EXOC4: variants seen among roughly 807,000 people sequenced by gnomAD.
The protein encoded by EXOC4 is SEC8-like 1.
A neutral mutation model predicts 107.2 loss-of-function variants in EXOC4; 71 were observed. The ratio of observed to expected loss-of-function variants is 0.66; its 90% CI spans 0.55 to 0.81. The LOEUF (loss-of-function observed/expected upper bound fraction) is 0.81, where lower values mean the gene tolerates loss of function less well. Among genes scored for constraint, EXOC4 ranks in the 30% least tolerant of loss-of-function variants. EXOC4 has a pLI of 0.00. For synonymous variants in EXOC4, 456 were observed against 441.2 expected (o/e 1.03, Z -0.42); for missense variants, 1,108 against 1,189.6 (o/e 0.93, Z 1.01).
chr7:133,306,613 T>C (rs1416065192), intron 4 of EXOC4, among the ~76,000 whole-genome samples: 2 of 152,098 alleles, frequency 1.3e-5, no homozygotes, highest in Non-Finnish European at 2.9e-5. Context: ...GATGACAGGA[T>C]GGCTTGAGCC....
chr7:133,613,811 G>A (rs1252004011), intron 9 of EXOC4, among the ~76,000 whole-genome samples: 16 of 152,072 alleles, frequency 1.1e-4, no homozygotes, highest in Non-Finnish European at 8.8e-5. Flanking sequence ...GTATTGAAAA[G>A]GCAGCTTTTA....
intron 17 of EXOC4, among the ~76,000 whole-genome samples, chr7:134,019,079 G>A (rs774088997): frequency 3.9e-5 from 6 of 152,006 alleles, no homozygotes; most frequent in Admixed American, 1.3e-4. Flanking sequence ...AAAGGCACGC[G>A]CCACTACACC....
At chr7:133,478,960 C>G (rs1799087681) in intron 8 of EXOC4, 1 of 152,122 alleles carries the variant, frequency 6.6e-6, no homozygotes, top group Non-Finnish European at 1.5e-5. Context: ...CCAAGTGTTT[C>G]CCTCACAGAC....
At chr7:133,787,955 T>TTTTATTTATATA (rs774395151) in intron 10 of EXOC4, among the ~76,000 whole-genome samples, 1 of 31,640 alleles carries the variant, frequency 3.2e-5, no homozygotes, top group East Asian at 2.0e-3. Flanking sequence ...GTGCATATAT[T>TTTTATTTATATA]TATATATTTA....
intron 10 of EXOC4, among the ~76,000 whole-genome samples, chr7:133,671,490 G>C (rs773855511): frequency 3.3e-5 from 5 of 152,106 alleles, no homozygotes; most frequent in Middle Eastern, 6.9e-3. Flanking sequence ...TCACTTGAAC[G>C]GGGGAGTCAG....
intron 10 of EXOC4, among the ~76,000 whole-genome samples, chr7:133,647,669 T>C (rs983539153): frequency 5.3e-5 from 8 of 152,108 alleles, no homozygotes; most frequent in African/African-American, 1.7e-4. Context: ...GACTCTTCCA[T>C]AGTGGCTCTC....
At chr7:134,051,200 G>T (rs542744021) in intron 17 of EXOC4, among the ~76,000 whole-genome samples, 1 of 152,190 alleles carries the variant, frequency 6.6e-6, no homozygotes, top group Non-Finnish European at 1.5e-5. Context: ...TGAGAAACCA[G>T]ATCTTGAGAA....
downstream of EXOC4, among the ~76,000 whole-genome samples, chr7:134,069,449 C>T (rs1475122945): frequency 6.6e-6 from 1 of 150,912 alleles, no homozygotes; most frequent in Non-Finnish European, 1.5e-5. Flanking sequence ...TCTCCTGCTC[C>T]TCCTCCTTCT....
At chr7:133,349,299 T>A (rs1021377615) in intron 5 of EXOC4, among the ~76,000 whole-genome samples, 1 of 152,164 alleles carries the variant, frequency 6.6e-6, no homozygotes. Flanking sequence ...TCTGTACTCA[T>A]TAAAGACCAA....
At chr7:133,323,743 T>C (rs1438619266) in intron 5 of EXOC4, among the ~76,000 whole-genome samples, 1 of 152,226 alleles carries the variant, frequency 6.6e-6, no homozygotes, top group Admixed American at 6.5e-5. Flanking sequence ...TTAGGGAGGA[T>C]TCCCTCTTTT....
intron 14 of EXOC4, among the ~76,000 whole-genome samples, chr7:133,978,931 A>T (rs1439470463): frequency 6.6e-6 from 1 of 152,222 alleles, no homozygotes; most frequent in Non-Finnish European, 1.5e-5. Context: ...GCTAGAGGTG[A>T]CACTGAGTTG....
intron 7 of EXOC4, among the ~76,000 whole-genome samples, chr7:133,457,417 G>A (rs922414315): frequency 3.9e-5 from 6 of 152,126 alleles, no homozygotes; most frequent in African/African-American, 7.2e-5. Flanking sequence ...CTGATCAATA[G>A]CCTTACTATA....
intron 10 of EXOC4, among the ~76,000 whole-genome samples, chr7:133,655,504 A>C (rs952501719): frequency 3.3e-5 from 5 of 152,196 alleles, no homozygotes; most frequent in Admixed American, 3.3e-4. Flanking sequence ...CGGTGGTACA[A>C]AAATATTTTC....
chr7:133,339,959 G>A (rs78720493), intron 5 of EXOC4, among the ~76,000 whole-genome samples: 5,439 of 152,120 alleles, frequency 0.036, 150 homozygotes, highest in Non-Finnish European at 0.052. Flanking sequence ...TGGTGAACAC[G>A]GACAGTTTCA....
chr7:133,568,260 G>A (rs1051653956), intron 9 of EXOC4, among the ~76,000 whole-genome samples: 1 of 150,330 alleles, frequency 6.7e-6, no homozygotes, highest in African/African-American at 2.4e-5. Flanking sequence ...TTTTAATCTG[G>A]GAATACAGCA....
At chr7:133,887,135 G>A (rs1483615395) in intron 11 of EXOC4, among the ~76,000 whole-genome samples, 1 of 152,154 alleles carries the variant, frequency 6.6e-6, no homozygotes, top group Admixed American at 6.5e-5. Flanking sequence ...CCTCCAGTGG[G>A]TATGCAGAGG....
At chr7:133,870,745 C>T (rs1205478219) in intron 11 of EXOC4, among the ~76,000 whole-genome samples, 1 of 152,234 alleles carries the variant, frequency 6.6e-6, no homozygotes, top group East Asian at 1.9e-4. Context: ...AGAACACAGA[C>T]TCAGCCCTTC....
intron 14 of EXOC4, among the ~76,000 whole-genome samples, chr7:133,969,739 T>A (rs1801157445): frequency 1.3e-5 from 2 of 152,168 alleles, no homozygotes; most frequent in African/African-American, 4.8e-5. Context: ...ACCTGCCAGA[T>A]GCCAGCTGGA....
At chr7:133,680,241 G>A (rs948576945) in intron 10 of EXOC4, among the ~76,000 whole-genome samples, 20 of 152,186 alleles carry the variant, frequency 1.3e-4, no homozygotes, top group African/African-American at 4.8e-4. Context: ...AACCAACTCA[G>A]GCATATGGGC....
Sources: gnomAD v4.1 joint callset for allele counts (sites outside exome capture counted in the v4.1 genomes callset) on GRCh38, gnomAD v4.1.1 for gene constraint, MANE v1.5 for transcripts, NCBI Gene and HGNC (gene_info 2026-07-23, HGNC 2026-07-21) for gene names.